CCDC148: variants seen among roughly 807,000 people sequenced by gnomAD.
CCDC148 encodes coiled-coil domain-containing protein 148.
CCDC148 carries 89 observed loss-of-function variants against 85.7 expected under a neutral mutation model. That is an observed-to-expected ratio of 1.04 (90% CI 0.87 to 1.24). The LOEUF (loss-of-function observed/expected upper bound fraction) is 1.24, where lower values mean the gene tolerates loss of function less well. Ranked by LOEUF, CCDC148 falls within the 50% of genes most tolerant of loss-of-function variation. The probability of loss-of-function intolerance (pLI) is 0.00; values close to 1 mark genes in which losing one functional copy is unlikely to be tolerated. For synonymous variants in CCDC148, 230 were observed against 213.9 expected, an observed-to-expected ratio of 1.08 and a Z score of -0.66; for missense variants, 692 against 671.7, an observed-to-expected ratio of 1.03 and a Z score of -0.33.
chr2:158,313,902 C>CA lies in CCDC148; in HGVS notation c.765-9dup, dbSNP rs1692160089. On this transcript the variant is annotated splice_polypyrimidine_tract_variant and intron_variant, in intron 7 of 13. Transcript: ENST00000283233. The stretch of plus-strand genomic sequence containing the variant: ...TCACTTAGTTGACAGTTTCTAGAAG[C>CA]AACAAAAATGTCACAACATATTATT... The CA allele has an allele frequency of 6.2e-7, 1 of 1,607,338 alleles. No individual in the cohort carries two copies. The highest frequency in any genetic ancestry group is 8.5e-7 in the Non-Finnish European group (1 of 1,176,814).
At chr2:158,366,020 T>C in intron 1 of CCDC148, 2 of 1,536,916 alleles carry the variant, frequency 1.3e-6, no homozygotes, top group Non-Finnish European at 1.8e-6. Flanking sequence ...ATACCTGAGC[T>C]ATCATTTCTC....
intron 1 of CCDC148, among the ~76,000 whole-genome samples, chr2:158,388,127 A>G (rs1213374062): frequency 1.3e-5 from 2 of 152,196 alleles, no homozygotes; most frequent in African/African-American, 4.8e-5. Context: ...TGTTGCTATT[A>G]TGGCTTAACA....
chr2:158,181,838 A>G (rs1029847011), intron 11 of CCDC148, among the ~76,000 whole-genome samples: 2 of 151,904 alleles, frequency 1.3e-5, no homozygotes, highest in African/African-American at 4.8e-5. Flanking sequence ...AGAGGTTTTG[A>G]TCAGGGAGAA....
chr2:158,333,365 C>G (rs1263809556), intron 7 of CCDC148, among the ~76,000 whole-genome samples: 1 of 152,174 alleles, frequency 6.6e-6, no homozygotes, highest in Non-Finnish European at 1.5e-5. Context: ...AATTTGATTG[C>G]ACTGTGGTCT....
intron 7 of CCDC148, among the ~76,000 whole-genome samples, chr2:158,318,597 A>C (rs2105218653): frequency 6.6e-6 from 1 of 151,294 alleles, no homozygotes; most frequent in Non-Finnish European, 1.5e-5. Context: ...TTTTTTAGAG[A>C]AGTTTACATA....
intron 11 of CCDC148, among the ~76,000 whole-genome samples, chr2:158,181,028 C>T (rs762902611): frequency 8.5e-5 from 13 of 152,138 alleles, no homozygotes; most frequent in Non-Finnish European, 1.3e-4. Context: ...CATGACATGA[C>T]ACAACCTCCC....
At chr2:158,300,166 TG>T (rs1445952502) in intron 9 of CCDC148, among the ~76,000 whole-genome samples, 2 of 152,206 alleles carry the variant, frequency 1.3e-5, no homozygotes. Context: ...ATCATATACT[TG>T]TTTCAACAGC....
At chr2:158,336,664 T>C (rs1482733303) in intron 7 of CCDC148, among the ~76,000 whole-genome samples, 1 of 152,194 alleles carries the variant, frequency 6.6e-6, no homozygotes, top group Non-Finnish European at 1.5e-5. Context: ...TAAACTAGAA[T>C]TTATGAACTT....
intron 9 of CCDC148, among the ~76,000 whole-genome samples, chr2:158,261,421 AG>A (rs961340127): frequency 6.6e-6 from 1 of 152,146 alleles, no homozygotes; most frequent in Non-Finnish European, 1.5e-5. Flanking sequence ...AATCCCTGGA[AG>A]ACAACCTAGG....
chr2:158,219,587 T>C (rs911701661), intron 11 of CCDC148, among the ~76,000 whole-genome samples: 9 of 152,312 alleles, frequency 5.9e-5, no homozygotes, highest in Admixed American at 1.3e-4. Flanking sequence ...AGAGTTCCAA[T>C]GGCACACCCA....
chr2:158,354,072 A>G (rs1008368623), intron 2 of CCDC148, among the ~76,000 whole-genome samples: 1 of 151,942 alleles, frequency 6.6e-6, no homozygotes, highest in Non-Finnish European at 1.5e-5. Context: ...GGACACATTC[A>G]AAGCAGTGTG....
intron 1 of CCDC148, among the ~76,000 whole-genome samples, chr2:158,409,845 G>A (rs754160044): frequency 2.6e-5 from 4 of 152,146 alleles, no homozygotes; most frequent in South Asian, 2.1e-4. Flanking sequence ...GGAGGGACCC[G>A]GTGGGAGATA....
chr2:158,396,132 A>G (rs1230524184), intron 1 of CCDC148, among the ~76,000 whole-genome samples: 1 of 152,092 alleles, frequency 6.6e-6, no homozygotes, highest in Non-Finnish European at 1.5e-5. Context: ...ATCAGGCCCA[A>G]CTTGGTCCCC....
At chr2:158,406,628 T>TTTTTTTTGTTTTTTTTTTTG (rs1553518884) in intron 1 of CCDC148, among the ~76,000 whole-genome samples, 6 of 119,006 alleles carry the variant, frequency 5.0e-5, no homozygotes, top group African/African-American at 1.5e-4. Flanking sequence ...TTTTTTTTTT[T>TTTTTTTTGTTTTTTTTTTTG]TTTTTTTTTT....
intron 1 of CCDC148, among the ~76,000 whole-genome samples, chr2:158,416,212 T>A (rs1458212698): frequency 6.6e-6 from 1 of 152,186 alleles, no homozygotes; most frequent in Non-Finnish European, 1.5e-5. Flanking sequence ...AGCAGGGCCC[T>A]GGGCCCAGCC....
chr2:158,293,112 T>C lies in CCDC148; in HGVS notation c.1110+16321A>G, dbSNP rs151260863. On this transcript the variant is annotated intron_variant, in intron 9 of 13. Transcript: ENST00000283233. ...GCTTAAAGTAAAATTTTAAAAAAAG[T>C]ACCCTTCCTTTCACATGTTTAGCGT... 2.8e-3 allele frequency among the ~76,000 whole-genome samples: 429 copies of C among 152,258 alleles called. 3 individuals carry two copies. Among genetic ancestry groups the C allele is most frequent in the African/African-American group, 9.6e-3 (400 of 41,558 alleles).
rs181570919 is a variant in CCDC148, at chr2:158,264,768, A to G, written c.1111-13856T>C. Among the ~76,000 whole-genome samples, 2 of 152,264 alleles carry G rather than the reference A, an allele frequency of 1.3e-5. 1 individual carries two copies. Among genetic ancestry groups the G allele is most frequent in the Non-Finnish European group, 2.9e-5 (2 of 67,998 alleles). On this transcript the variant is annotated intron_variant, in intron 9 of 13. Transcript: ENST00000283233. Reference sequence around the variant, plus strand: ...CATCTTGAATTTTTTCCAAATAGATACTAAAAAGCAGGATGCTATACTGAT... The same window carrying G: ...CATCTTGAATTTTTTCCAAATAGATGCTAAAAAGCAGGATGCTATACTGAT...
chr2:158,440,579 T>A (rs957160566), intron 1 of CCDC148, among the ~76,000 whole-genome samples: 1 of 152,184 alleles, frequency 6.6e-6, no homozygotes, highest in African/African-American at 2.4e-5. Flanking sequence ...TATGTACCTA[T>A]GATAAAGTTT....
At chr2:158,369,847 C>T (rs948830393) in intron 1 of CCDC148, among the ~76,000 whole-genome samples, 1 of 152,080 alleles carries the variant, frequency 6.6e-6, no homozygotes, top group Non-Finnish European at 1.5e-5. Context: ...TATGTTTCAT[C>T]AATACATCGT....
Sources: allele counts gnomAD v4.1 joint callset (sites outside exome capture counted in the v4.1 genomes callset), GRCh38; gene constraint gnomAD v4.1.1; transcripts MANE v1.5; gene names NCBI Gene and HGNC (gene_info 2026-07-23, HGNC 2026-07-21).